Variants in CNTN5 observed in about 807,000 individuals in gnomAD.
CNTN5 encodes contactin 5, also known as contactin-5.
In CNTN5, 77 loss-of-function variants were observed where a neutral mutation model predicts 129.1. The observed-to-expected ratio is 0.60, with a 90% CI of 0.50 to 0.72. The LOEUF is 0.72. Ranked by LOEUF, CNTN5 falls within the 30% of genes least tolerant of loss-of-function variation. The pLI, the probability that CNTN5 is intolerant of heterozygous loss-of-function variation, is 0.00. For synonymous variants in CNTN5, 509 were observed against 465.6 expected, an observed-to-expected ratio of 1.09 and a Z score of -1.20; for missense variants, 1,478 against 1,328.8, an observed-to-expected ratio of 1.11 and a Z score of -1.75.
At chr11:99,403,841 G>T (rs1941945487) in intron 2 of CNTN5, among the ~76,000 whole-genome samples, 1 of 152,098 alleles carries the variant, frequency 6.6e-6, no homozygotes, top group Non-Finnish European at 1.5e-5. Flanking sequence ...GTTCTTGGAT[G>T]AAAAGTTTTA....
At chr11:99,935,508 C>A (rs574072145) in intron 7 of CNTN5, among the ~76,000 whole-genome samples, 2 of 151,742 alleles carry the variant, frequency 1.3e-5, no homozygotes, top group South Asian at 2.1e-4. Context: ...AGGGCATTTT[C>A]AAAAATATTT....
At chr11:99,911,482 T>C (rs1263797807) in intron 6 of CNTN5, among the ~76,000 whole-genome samples, 4 of 152,108 alleles carry the variant, frequency 2.6e-5, no homozygotes, top group Admixed American at 2.6e-4. Flanking sequence ...GTATAGCTTT[T>C]ATTCTCCTGT....
intron 3 of CNTN5, among the ~76,000 whole-genome samples, chr11:99,804,374 A>T (rs1946204613): frequency 6.6e-6 from 1 of 152,058 alleles, no homozygotes; most frequent in African/African-American, 2.4e-5. Flanking sequence ...GATATTTAGG[A>T]ATAGTGCAAG....
intron 2 of CNTN5, among the ~76,000 whole-genome samples, chr11:99,362,132 T>C (rs60092233): frequency 0.016 from 2,382 of 152,138 alleles, 64 homozygotes; most frequent in African/African-American, 0.054. Flanking sequence ...ATAACACATG[T>C]TATATTCTAT....
intron 3 of CNTN5, among the ~76,000 whole-genome samples, chr11:99,802,794 G>T (rs564400545): frequency 6.6e-6 from 1 of 152,286 alleles, no homozygotes; most frequent in South Asian, 2.1e-4. Flanking sequence ...AAGAGATGGG[G>T]TGACTCAGGA....
chr11:99,827,557 A>G (rs1197606503), intron 4 of CNTN5, among the ~76,000 whole-genome samples: 3 of 152,248 alleles, frequency 2.0e-5, no homozygotes, highest in Non-Finnish European at 2.9e-5. Context: ...TTGTTAGAGT[A>G]AATTCCAGAA....
At chr11:100,304,160 T>C (rs146018488) in intron 20 of CNTN5, among the ~76,000 whole-genome samples, 1 of 151,728 alleles carries the variant, frequency 6.6e-6, no homozygotes, top group East Asian at 1.9e-4. Context: ...ATTTTTAATC[T>C]ATCAGAAACA....
chr11:99,188,753 T>G (rs1441962701), intron 1 of CNTN5, among the ~76,000 whole-genome samples: 1 of 151,736 alleles, frequency 6.6e-6, no homozygotes, highest in South Asian at 2.1e-4. Flanking sequence ...CAAAAAAAAT[T>G]TATTGGATAA....
rs574704905 is a variant in CNTN5, at chr11:99,179,306, G to A, written c.-209-146040G>A. On this transcript the variant is annotated intron_variant, in intron 1 of 24. Coordinates refer to ENST00000524871, the MANE Select transcript of CNTN5 (RefSeq NM_014361.4). ...AAAATACAAAAATTAGCCGGGCAAAGGGGTGCACACCTGCAATCTCAGCTA... is the reference window on the plus strand; with the variant it reads ...AAAATACAAAAATTAGCCGGGCAAAAGGGTGCACACCTGCAATCTCAGCTA... 2.0e-5 allele frequency among the ~76,000 whole-genome samples: 3 copies of A among 152,056 alleles called. No individual in the cohort carries two copies. The South Asian group carries it at 6.2e-4, about 31-fold the overall frequency.
intron 1 of CNTN5, among the ~76,000 whole-genome samples, chr11:99,131,441 C>G (rs1858932523): frequency 6.6e-6 from 1 of 151,506 alleles, no homozygotes; most frequent in Non-Finnish European, 1.5e-5. Flanking sequence ...ACTCAAAAAA[C>G]CCTTCAAAAA....
intron 7 of CNTN5, among the ~76,000 whole-genome samples, chr11:99,956,316 G>A (rs541560613): frequency 6.6e-6 from 1 of 152,184 alleles, no homozygotes; most frequent in South Asian, 2.1e-4. Flanking sequence ...AAAATGGGAT[G>A]TGTGTAGAGA....
At chr11:99,993,539 C>T (rs1939257938) in intron 8 of CNTN5, among the ~76,000 whole-genome samples, 1 of 152,144 alleles carries the variant, frequency 6.6e-6, no homozygotes, top group African/African-American at 2.4e-5. Context: ...GCTTTAGATT[C>T]TCATAAGGAT....
chr11:99,746,222 G>A (rs989541529), intron 3 of CNTN5, among the ~76,000 whole-genome samples: 1 of 152,038 alleles, frequency 6.6e-6, no homozygotes, highest in Non-Finnish European at 1.5e-5. Context: ...ACTTCCATTT[G>A]TCTTTAGCAA....
At chr11:99,996,847 T>G (rs1422979676) in intron 8 of CNTN5, among the ~76,000 whole-genome samples, 1 of 152,100 alleles carries the variant, frequency 6.6e-6, no homozygotes, top group Non-Finnish European at 1.5e-5. Flanking sequence ...TCAGATTTCA[T>G]GAGAACTCCC....
intron 2 of CNTN5, among the ~76,000 whole-genome samples, chr11:99,460,148 C>T (rs1944640303): frequency 6.6e-6 from 1 of 151,500 alleles, no homozygotes; most frequent in African/African-American, 2.4e-5. Context: ...TAAACCAGGA[C>T]ATGCAAACAT....
intron 7 of CNTN5, among the ~76,000 whole-genome samples, chr11:99,940,647 A>T (rs1303455198): frequency 2.0e-5 from 3 of 152,168 alleles, no homozygotes; most frequent in African/African-American, 7.2e-5. Flanking sequence ...TGTATGAGAC[A>T]GTTCTTGTCC....
rs1222577968 is a variant in CNTN5, at chr11:99,507,249, C to T, written c.-70-48896C>T. 3.3e-5 allele frequency among the ~76,000 whole-genome samples: 5 copies of T among 151,570 alleles called. No homozygotes were observed. In the East Asian group the frequency reaches 7.8e-4, roughly 24 times the overall value. On this transcript the variant is annotated intron_variant, in intron 2 of 24. Transcript: ENST00000524871. Reference sequence around the variant, plus strand: ...AAAATTAGCTAGGCATGGTGGTGCGCACCTGTAGTCCCAGCTACTCGGGAG... The same window carrying T: ...AAAATTAGCTAGGCATGGTGGTGCGTACCTGTAGTCCCAGCTACTCGGGAG...
chr11:99,935,266 T>G (rs1950289829), intron 7 of CNTN5, among the ~76,000 whole-genome samples: 1 of 151,948 alleles, frequency 6.6e-6, no homozygotes, highest in Non-Finnish European at 1.5e-5. Context: ...GATTGACTGT[T>G]TTCTTAGTTC....
intron 3 of CNTN5, among the ~76,000 whole-genome samples, chr11:99,626,034 G>A (rs1002368207): frequency 1.3e-5 from 2 of 151,944 alleles, no homozygotes; most frequent in African/African-American, 4.8e-5. Context: ...GGAGCAGAAA[G>A]AGGCCAACTT....
Sources: gnomAD v4.1 joint callset for allele counts (sites outside exome capture counted in the v4.1 genomes callset) on GRCh38, gnomAD v4.1.1 for gene constraint, MANE v1.5 for transcripts, NCBI Gene and HGNC (gene_info 2026-07-23, HGNC 2026-07-21) for gene names.